MTUS2: variants seen among roughly 807,000 people sequenced by gnomAD.
The protein encoded by MTUS2 is microtubule-associated tumor suppressor candidate 2.
MTUS2 carries 40 observed loss-of-function variants against 114.1 expected under a neutral mutation model. The ratio of observed to expected loss-of-function variants is 0.35; its 90% CI spans 0.27 to 0.46. MTUS2 has a LOEUF of 0.46. Ranked by LOEUF, MTUS2 falls within the 20% of genes least tolerant of loss-of-function variation. The pLI is 1.00. For synonymous variants in MTUS2, 688 were observed against 672.0 expected (o/e 1.02, Z -0.37); for missense variants, 1,679 against 1,705.4 (o/e 0.98, Z 0.27).
At position 29,168,815 on chromosome 13, in the gene MTUS2, C is replaced by T. The variant is rs529797230; in HGVS notation, c.2644+67845C>T. Among the ~76,000 whole-genome samples, 3 of 151,740 alleles carry T rather than the reference C, an allele frequency of 2.0e-5. No homozygotes were observed. The South Asian group carries it at 6.3e-4, about 32-fold the overall frequency. ...AGGGATTTAAACCTGCAATTTAAGC[C>T]TGGCCCCAGGGGGAGAATGCTACTG... On this transcript the variant is annotated intron_variant, in intron 5 of 15. Coordinates refer to ENST00000612955, the MANE Select transcript of MTUS2 (RefSeq NM_001033602.4).
chr13:28,901,333 A>G (rs1879632479), intron 2 of MTUS2, among the ~76,000 whole-genome samples: 1 of 152,154 alleles, frequency 6.6e-6, no homozygotes, highest in Non-Finnish European at 1.5e-5. Context: ...TCCCCTTGAC[A>G]GCGTCTTTCA....
intron 2 of MTUS2, among the ~76,000 whole-genome samples, chr13:28,881,452 C>G (rs186090588): frequency 6.6e-6 from 1 of 152,072 alleles, no homozygotes; most frequent in East Asian, 1.9e-4. Flanking sequence ...ATGCAGGTAT[C>G]TTTTTGATAA....
At chr13:29,307,377 T>G (rs1899521882) in intron 6 of MTUS2, 5 of 843,712 alleles carry the variant, frequency 5.9e-6, no homozygotes, top group Non-Finnish European at 1.0e-5. Context: ...GTGATAGCCA[T>G]GGGGCTCTCC....
intron 2 of MTUS2, among the ~76,000 whole-genome samples, chr13:28,972,414 C>T (rs1883898734): frequency 6.6e-6 from 1 of 152,188 alleles, no homozygotes; most frequent in South Asian, 2.1e-4. Flanking sequence ...TGTGAGGAGT[C>T]AGCTAAAATC....
chr13:29,280,286 T>C (rs370829315), intron 5 of MTUS2, among the ~76,000 whole-genome samples: 67 of 152,374 alleles, frequency 4.4e-4, no homozygotes, highest in African/African-American at 1.5e-3. Flanking sequence ...TGCATTTATT[T>C]TCTTTGCATA....
intron 2 of MTUS2, among the ~76,000 whole-genome samples, chr13:28,898,591 G>T (rs1879434141): frequency 6.6e-6 from 1 of 152,150 alleles, no homozygotes; most frequent in African/African-American, 2.4e-5. Flanking sequence ...AAATGATGTG[G>T]TTTAGAAAGT....
chr13:28,851,929 G>T (rs1462358163), intron 2 of MTUS2, among the ~76,000 whole-genome samples: 2 of 152,144 alleles, frequency 1.3e-5, no homozygotes, highest in African/African-American at 4.8e-5. Context: ...TAGCCAGCGT[G>T]AGTCTTTAAA....
chr13:28,986,144 G>A (rs1884575414), intron 2 of MTUS2, among the ~76,000 whole-genome samples: 1 of 151,950 alleles, frequency 6.6e-6, no homozygotes, highest in South Asian at 2.1e-4. Flanking sequence ...CATCTAGGAT[G>A]GCCCAGGCTT....
intron 6 of MTUS2, among the ~76,000 whole-genome samples, chr13:29,306,462 G>T (rs1188470913): frequency 6.6e-6 from 1 of 152,094 alleles, no homozygotes; most frequent in Non-Finnish European, 1.5e-5. Context: ...AAATCAGTCT[G>T]CAAAAATTGC....
chr13:29,012,133 A>T (rs1885870825), intron 2 of MTUS2, among the ~76,000 whole-genome samples: 1 of 152,150 alleles, frequency 6.6e-6, no homozygotes, highest in African/African-American at 2.4e-5. Flanking sequence ...TGCCACCTCC[A>T]TCCATTCCGT....
At position 29,436,837 on chromosome 13, in the gene MTUS2, A is replaced by C. The variant is rs184552842; in HGVS notation, c.3118-3146A>C. ...TTTCTTGCTTTTTTTTTTTTTTTACATTCTCACTTGGTTTCCATCAATCTT... is the reference window on the plus strand; with the variant it reads ...TTTCTTGCTTTTTTTTTTTTTTTACCTTCTCACTTGGTTTCCATCAATCTT... On this transcript the variant is annotated intron_variant, in intron 8 of 15. Transcript: ENST00000612955. Among the ~76,000 whole-genome samples the C allele has an allele frequency of 2.6e-3, 327 of 126,396 alleles. 1 individual carries two copies. The highest frequency in any genetic ancestry group is 4.3e-3 in the Non-Finnish European group (265 of 61,328). The allele number at this position is 126,396 out of a possible 152,430, so 82.9% of individuals were successfully genotyped here.
At chr13:28,822,664 C>T (rs1873988343) in intron 1 of MTUS2, among the ~76,000 whole-genome samples, 1 of 151,746 alleles carries the variant, frequency 6.6e-6, no homozygotes, top group African/African-American at 2.4e-5. Context: ...TTCATGTGGT[C>T]ATCCCTGAGT....
At chr13:28,820,680 G>C (rs1411000116) in intron 1 of MTUS2, 69 bp downstream of exon 1, 1 of 152,250 alleles carries the variant, frequency 6.6e-6, no homozygotes, top group Admixed American at 6.5e-5. Context: ...TGGACCCGCC[G>C]GAGACAGGTG....
chr13:29,077,775 T>C (rs1436757111), intron 4 of MTUS2, among the ~76,000 whole-genome samples: 1 of 152,226 alleles, frequency 6.6e-6, no homozygotes, highest in Non-Finnish European at 1.5e-5. Context: ...TCTTAACTTC[T>C]TTACTGGTTG....
chr13:29,185,435 A>T (rs1894182364), intron 5 of MTUS2, among the ~76,000 whole-genome samples: 1 of 152,238 alleles, frequency 6.6e-6, no homozygotes. Context: ...GAAGAAGCTC[A>T]GCAAACTCCA....
At chr13:29,243,899 G>T (rs1244130318) in intron 5 of MTUS2, among the ~76,000 whole-genome samples, 4 of 152,182 alleles carry the variant, frequency 2.6e-5, no homozygotes, top group Non-Finnish European at 5.9e-5. Flanking sequence ...ATAATTGATA[G>T]AATGGTATTT....
At chr13:29,110,892 C>T (rs1032897577) in intron 5 of MTUS2, among the ~76,000 whole-genome samples, 13 of 152,124 alleles carry the variant, frequency 8.5e-5, no homozygotes, top group Non-Finnish European at 1.3e-4. Context: ...CTATGGAAAT[C>T]GTATTTTAGA....
intron 5 of MTUS2, among the ~76,000 whole-genome samples, chr13:29,130,721 G>A (rs948114815): frequency 5.3e-5 from 8 of 152,068 alleles, no homozygotes; most frequent in African/African-American, 9.7e-5. Flanking sequence ...CACCTCCTGC[G>A]TTCAAGTGAT....
At chr13:29,005,045 A>G (rs1293638799) in intron 2 of MTUS2, among the ~76,000 whole-genome samples, 7 of 152,304 alleles carry the variant, frequency 4.6e-5, no homozygotes, top group South Asian at 4.1e-4. Context: ...GGTGCAGCCA[A>G]TGAGGCCATG....
Sources: allele counts gnomAD v4.1 joint callset (sites outside exome capture counted in the v4.1 genomes callset), GRCh38; gene constraint gnomAD v4.1.1; transcripts MANE v1.5; gene names NCBI Gene and HGNC (gene_info 2026-07-23, HGNC 2026-07-21).